FBXL7: variants seen among roughly 807,000 people sequenced by gnomAD.
FBXL7 encodes the protein F-box and leucine rich repeat protein 7, also known as F-box/LRR-repeat protein 7.
FBXL7 carries 12 observed loss-of-function variants against 38.3 expected under a neutral mutation model. That is an observed-to-expected ratio of 0.31 (90% CI 0.20 to 0.51). FBXL7 has a LOEUF of 0.51. Among genes scored for constraint, FBXL7 ranks in the 20% least tolerant of loss-of-function variants. The pLI, the probability that FBXL7 is intolerant of heterozygous loss-of-function variation, is 0.98. For missense variants in FBXL7, 567 were observed against 676.4 expected, an observed-to-expected ratio of 0.84 and a Z score of 1.79; for synonymous variants, 297 against 300.9, an observed-to-expected ratio of 0.99 and a Z score of 0.13.
At chr5:15,772,864 T>TAATAGTGACTCAGAGCTATGAA (rs1310691783) in intron 2 of FBXL7, among the ~76,000 whole-genome samples, 2 of 152,090 alleles carry the variant, frequency 1.3e-5, no homozygotes, top group East Asian at 3.9e-4. Context: ...GTGAAGACCT[T>TAATAGTGACTCAGAGCTATGAA]AATAGTGACT....
chr5:15,757,974 T>TA (rs1157427384), intron 2 of FBXL7, among the ~76,000 whole-genome samples: 1 of 152,104 alleles, frequency 6.6e-6, no homozygotes, highest in Non-Finnish European at 1.5e-5. Context: ...GTTCTCCTGT[T>TA]ACATTCTCTT....
intron 2 of FBXL7, among the ~76,000 whole-genome samples, chr5:15,722,212 T>G (rs1402989071): frequency 6.6e-6 from 1 of 152,178 alleles, no homozygotes; most frequent in Non-Finnish European, 1.5e-5. Context: ...TGTAAACTTA[T>G]TGATACCAGT....
At chr5:15,537,205 T>C (rs1296152465) in intron 1 of FBXL7, among the ~76,000 whole-genome samples, 1 of 152,214 alleles carries the variant, frequency 6.6e-6, no homozygotes, top group Non-Finnish European at 1.5e-5. Context: ...GAAAATAGAC[T>C]GATACAAGTC....
At chr5:15,708,719 T>C (rs1330420396) in intron 2 of FBXL7, among the ~76,000 whole-genome samples, 1 of 152,238 alleles carries the variant, frequency 6.6e-6, no homozygotes, top group African/African-American at 2.4e-5. Context: ...AAAGTGCTTT[T>C]ATTCTCAGTT....
chr5:15,714,658 C>G lies in FBXL7; in HGVS notation c.127+98586C>G, dbSNP rs200946396. ...TCACGAGGTCAGGAGACCATACTAGCTAACATGGTGAAACCCCATCTCTAC... is the reference window on the plus strand; with the variant it reads ...TCACGAGGTCAGGAGACCATACTAGGTAACATGGTGAAACCCCATCTCTAC... On this transcript the variant is annotated intron_variant, in intron 2 of 3. Transcript: ENST00000504595. 3.9e-5 allele frequency among the ~76,000 whole-genome samples: 6 copies of G among 151,986 alleles called. No homozygotes were observed. The East Asian group carries it at 1.2e-3, about 30-fold the overall frequency.
chr5:15,825,066 T>G (rs1012736893), intron 2 of FBXL7, among the ~76,000 whole-genome samples: 1 of 152,228 alleles, frequency 6.6e-6, no homozygotes, highest in Non-Finnish European at 1.5e-5. Context: ...GGGTTTTTTA[T>G]TTTAAGCCAA....
intron 2 of FBXL7, among the ~76,000 whole-genome samples, chr5:15,856,318 T>G (rs1203345611): frequency 6.6e-6 from 1 of 152,078 alleles, no homozygotes; most frequent in Non-Finnish European, 1.5e-5. Flanking sequence ...GTAGGAATTA[T>G]GGGAGCTACA....
At chr5:15,844,561 G>T (rs926256383) in intron 2 of FBXL7, among the ~76,000 whole-genome samples, 1 of 152,230 alleles carries the variant, frequency 6.6e-6, no homozygotes, top group South Asian at 2.1e-4. Context: ...GCTGAGTATA[G>T]AGTATGCAGG....
At chr5:15,564,280 C>A (rs970795972) in intron 1 of FBXL7, among the ~76,000 whole-genome samples, 4 of 151,730 alleles carry the variant, frequency 2.6e-5, no homozygotes, top group Non-Finnish European at 5.9e-5. Context: ...ATGATTTTTG[C>A]CATTTTAGTA....
At chr5:15,917,884 C>T (rs1436546143) in intron 2 of FBXL7, among the ~76,000 whole-genome samples, 1 of 151,590 alleles carries the variant, frequency 6.6e-6, no homozygotes, top group East Asian at 1.9e-4. Flanking sequence ...AAAGTGGCCT[C>T]TAATAGCAAT....
intron 2 of FBXL7, among the ~76,000 whole-genome samples, chr5:15,676,451 A>G (rs536523711): frequency 6.6e-6 from 1 of 152,340 alleles, no homozygotes; most frequent in African/African-American, 2.4e-5. Context: ...AAATATGGTT[A>G]TGCCTTTCAA....
chr5:15,659,662 A>G (rs1741995531), intron 2 of FBXL7, among the ~76,000 whole-genome samples: 1 of 152,234 alleles, frequency 6.6e-6, no homozygotes, highest in African/African-American at 2.4e-5. Context: ...TCAAGTGACC[A>G]TCAGAAGGAG....
At chr5:15,719,484 A>T (rs998099007) in intron 2 of FBXL7, among the ~76,000 whole-genome samples, 2 of 148,804 alleles carry the variant, frequency 1.3e-5, no homozygotes, top group African/African-American at 4.9e-5. Flanking sequence ...CAGCTAAATT[A>T]GCAAGTGATC....
intron 2 of FBXL7, among the ~76,000 whole-genome samples, chr5:15,648,784 GA>G (rs1741616527): frequency 6.6e-6 from 1 of 152,156 alleles, no homozygotes; most frequent in South Asian, 2.1e-4. Context: ...AACTCCAGCT[GA>G]AATGATCTTC....
intron 2 of FBXL7, among the ~76,000 whole-genome samples, chr5:15,816,122 G>C (rs1738006702): frequency 6.6e-6 from 1 of 151,916 alleles, no homozygotes; most frequent in Non-Finnish European, 1.5e-5. Flanking sequence ...GGTGGAAAAG[G>C]AAAAGAAGTT....
chr5:15,712,035 C>T (rs1485262696), intron 2 of FBXL7, among the ~76,000 whole-genome samples: 1 of 152,136 alleles, frequency 6.6e-6, no homozygotes, highest in Non-Finnish European at 1.5e-5. Context: ...CTTGATGGAT[C>T]ACCACTGCAT....
chr5:15,824,698 C>T (rs1330148669), intron 2 of FBXL7, among the ~76,000 whole-genome samples: 2 of 152,026 alleles, frequency 1.3e-5, no homozygotes, highest in African/African-American at 4.8e-5. Flanking sequence ...ATCGGTTTTG[C>T]TTGGTCTTAA....
At chr5:15,602,932 CAG>C (rs1395614929) in intron 1 of FBXL7, among the ~76,000 whole-genome samples, 1 of 152,134 alleles carries the variant, frequency 6.6e-6, no homozygotes, top group Admixed American at 6.5e-5. Context: ...CACTGGGGCT[CAG>C]GGGATCCTCT....
chr5:15,865,554 T>G (rs1342172187), intron 2 of FBXL7, among the ~76,000 whole-genome samples: 2 of 152,136 alleles, frequency 1.3e-5, no homozygotes, highest in Admixed American at 6.5e-5. Flanking sequence ...AGCTAAGAAT[T>G]GATGACAAGC....
Sources: gnomAD v4.1 joint callset for allele counts (sites outside exome capture counted in the v4.1 genomes callset) on GRCh38, gnomAD v4.1.1 for gene constraint, MANE v1.5 for transcripts, NCBI Gene and HGNC (gene_info 2026-07-23, HGNC 2026-07-21) for gene names.